The following PACS1 variants were observed in gnomAD, a reference collection of about 807,000 sequenced individuals.
The protein encoded by PACS1 is PACS-1.
Under a neutral mutation model 115.0 loss-of-function variants are expected in PACS1, and 24 were observed. The observed-to-expected ratio is 0.21, with a 90% CI of 0.15 to 0.29. The LOEUF is 0.29. PACS1 is among the 10% of genes least tolerant of loss of function. The probability of loss-of-function intolerance (pLI) is 1.00; values close to 1 mark genes in which losing one functional copy is unlikely to be tolerated. For missense variants in PACS1, 838 were observed against 1,251.2 expected (o/e 0.67, Z 4.98); for synonymous variants, 453 against 504.5 (o/e 0.90, Z 1.37).
At position 66,242,897 on chromosome 11, in the gene PACS1, T is replaced by A; in HGVS notation, c.2657-15T>A. 1 of 1,613,824 alleles carries A rather than the reference T, an allele frequency of 6.2e-7. No individual in the cohort carries two copies. Among genetic ancestry groups the A allele is most frequent in the Non-Finnish European group, 8.5e-7 (1 of 1,179,878 alleles). On this transcript the variant is annotated splice_polypyrimidine_tract_variant and intron_variant, in intron 22 of 23. Transcript: ENST00000320580. ...CCCAGGGGCTGGGACACAGGTGGCC[T>A]TGCTTGCTTTCCAGTTCCCACCATC...
At chr11:66,210,311 C>G (rs535911828) in intron 2 of PACS1, 51 bp from the exon 3 acceptor site, 1 of 1,430,844 alleles carries the variant, frequency 7.0e-7, no homozygotes, top group East Asian at 2.3e-5. Flanking sequence ...GCTGGGATTA[C>G]TGGCACAAGC....
chr11:66,199,192 G>A (rs1854718133), intron 2 of PACS1, among the ~76,000 whole-genome samples: 1 of 152,110 alleles, frequency 6.6e-6, no homozygotes, highest in South Asian at 2.1e-4. Context: ...GCGGGCACCT[G>A]TAGTCCCAGC....
At chr11:66,239,994 T>C (rs1248521084) in intron 21 of PACS1, among the ~76,000 whole-genome samples, 1 of 152,274 alleles carries the variant, frequency 6.6e-6, no homozygotes, top group Non-Finnish European at 1.5e-5. Context: ...GATTGGGCTG[T>C]TCTTTCTAGT....
intron 1 of PACS1, among the ~76,000 whole-genome samples, chr11:66,172,276 CTG>C (rs1167033967): frequency 6.6e-6 from 1 of 152,222 alleles, no homozygotes; most frequent in East Asian, 1.9e-4. Context: ...TCCCTTATGA[CTG>C]TGGCTCTCTG....
chr11:66,200,098 C>G (rs1210781993), intron 2 of PACS1, among the ~76,000 whole-genome samples: 1 of 151,728 alleles, frequency 6.6e-6, no homozygotes, highest in Non-Finnish European at 1.5e-5. Context: ...GCCTATAATC[C>G]CAGCACTTTG....
At position 66,227,553 on chromosome 11, in the gene PACS1, A is replaced by G; in HGVS notation, c.1343A>G (p.Gln448Arg). 6.2e-7 allele frequency: 1 copy of G among 1,611,512 alleles called. No homozygotes were observed. Among genetic ancestry groups the G allele is most frequent in the Non-Finnish European group, 8.5e-7 (1 of 1,178,408 alleles). ...EKIKSTWIKN[Q>R]DDSLTETDTL... ...ATTAAATCTACTTGGATTAAAAACC[A>G]AGATGACAGCTTGACTGAAACAGAC... The change falls in exon 11 of 24, where the codon CAA becomes CGA. Residue 448 changes from glutamine (Q) to arginine (R), a missense_variant. Physicochemically the swap from Gln to Arg is conservative, Grantham distance 43. Transcript: ENST00000320580.
chr11:66,193,029 G>A (rs1468954120), intron 1 of PACS1, among the ~76,000 whole-genome samples: 2 of 152,204 alleles, frequency 1.3e-5, no homozygotes, highest in Non-Finnish European at 2.9e-5. Context: ...GGTGTGATCA[G>A]GTGGAAAGTA....
chr11:66,072,922 A>C (rs1857334015), intron 1 of PACS1, among the ~76,000 whole-genome samples: 1 of 152,242 alleles, frequency 6.6e-6, no homozygotes, highest in Non-Finnish European at 1.5e-5. Context: ...GTCTGCCCCT[A>C]GGTCTTTTGG....
At position 66,243,557 on chromosome 11, in the gene PACS1, C is replaced by A. The variant is rs1226591336; in HGVS notation, c.*277C>A. 9 of 436,196 alleles carry A rather than the reference C, an allele frequency of 2.1e-5. No individual in the cohort carries two copies. Among genetic ancestry groups the A allele is most frequent in the Non-Finnish European group, 3.4e-5 (8 of 237,888 alleles). 27.0% of individuals were successfully genotyped at this position (436,196 alleles called of 1,614,324 possible). A position where few individuals can be genotyped will look rare whatever the true frequency, so the allele number is the denominator to read the frequency against. ...GGTTTTGCCTTCTGGTGCCCATAGT[C>A]CCCTGGACTGAGTCCCCCAGGCCTT... On this transcript the variant is annotated 3_prime_UTR_variant, in exon 24 of 24. Coordinates refer to ENST00000320580, the MANE Select transcript of PACS1 (RefSeq NM_018026.4).
rs754243334 is a variant in PACS1 at position 66,235,976 on chromosome 11, G to A, written c.2250+36G>A. 2.2e-5 allele frequency: 35 copies of A among 1,579,326 alleles called. No homozygotes were observed. The highest frequency in any genetic ancestry group is 3.3e-4 in the Middle Eastern group (2 of 6,012). ...ACTCCCTCTGCTTGGCACCCCACCC[G>A]TTCTCCTGGTCTTCCTGTTCCCCCT... On this transcript the variant is annotated intron_variant, in intron 19 of 23. Transcript: ENST00000320580. This position sits in a 1 kb window ranked among gnomAD's most constrained non-coding sequence, Gnocchi z 5.6.
intron 8 of PACS1, 40 bp downstream of exon 8, chr11:66,219,845 T>A: frequency 7.1e-7 from 1 of 1,413,048 alleles, no homozygotes; most frequent in Non-Finnish European, 1.0e-6. Context: ...TGAGTAGAAT[T>A]CCCCGGGTTT....
chr11:66,082,922 G>A (rs558500466), intron 1 of PACS1, among the ~76,000 whole-genome samples: 71 of 152,276 alleles, frequency 4.7e-4, no homozygotes, highest in African/African-American at 1.7e-3. Flanking sequence ...CATCTTTGAG[G>A]AGTGTCAGTG....
intron 1 of PACS1, among the ~76,000 whole-genome samples, chr11:66,186,894 C>A (rs1226071230): frequency 1.3e-5 from 2 of 152,190 alleles, no homozygotes; most frequent in African/African-American, 2.4e-5. Context: ...TCCCTCATAT[C>A]CCTTCCAATC....
intron 1 of PACS1, among the ~76,000 whole-genome samples, chr11:66,159,622 G>A (rs1395703936): frequency 6.6e-6 from 1 of 152,126 alleles, no homozygotes; most frequent in Admixed American, 6.5e-5. Context: ...GGGGGAGCGG[G>A]TGGTATTTGC....
At position 66,243,394 on chromosome 11, in the gene PACS1, G is replaced by T; in HGVS notation, c.*114G>T. 1 of 706,456 alleles carries T rather than the reference G, an allele frequency of 1.4e-6. No individual in the cohort carries two copies. The allele number at this position is 706,456 out of a possible 1,614,324, so 43.8% of individuals were successfully genotyped here. On this transcript the variant is annotated 3_prime_UTR_variant, in exon 24 of 24. Coordinates refer to ENST00000320580, the MANE Select transcript of PACS1 (RefSeq NM_018026.4). ...CACCCCTTCCCTGGCACCAGGGTCT[G>T]CCTCTCACTCGCCCAGGTCCCGAAG...
At chr11:66,241,179 T>G in intron 21 of PACS1, 1 of 485,712 alleles carries the variant, frequency 2.1e-6, no homozygotes, top group South Asian at 2.7e-5. Context: ...TCTGCTGCCC[T>G]TGTCATCCTG....
intron 1 of PACS1, among the ~76,000 whole-genome samples, chr11:66,192,365 G>A (rs935419636): frequency 1.2e-4 from 19 of 152,214 alleles, no homozygotes; most frequent in Admixed American, 6.5e-4. Flanking sequence ...ATCGGGGGAA[G>A]TTCTCCTGGC....
chr11:66,107,001 G>A (rs80072259), intron 1 of PACS1, among the ~76,000 whole-genome samples: 3,472 of 152,232 alleles, frequency 0.023, 135 homozygotes, highest in African/African-American at 0.079. Context: ...AAGTACTAAA[G>A]ATTTTACCCT....
chr11:66,243,079 A>T (rs1378288787), intron 23 of PACS1, 48 bp downstream of exon 23: 1 of 1,612,762 alleles, frequency 6.2e-7, no homozygotes, highest in Non-Finnish European at 8.5e-7. Context: ...GGGACTGGAG[A>T]GGGAGGCAGG....
Sources: gnomAD v4.1 joint callset for allele counts (sites outside exome capture counted in the v4.1 genomes callset) on GRCh38, gnomAD v4.1.1 for gene constraint, Gnocchi (gnomAD v3.1) non-coding constraint, MANE v1.5 for transcripts, NCBI Gene and HGNC (gene_info 2026-07-23, HGNC 2026-07-21) for gene names.